GPC5: variants seen among roughly 807,000 people sequenced by gnomAD.
GPC5 encodes glypican-5.
GPC5 carries 47 observed loss-of-function variants against 53.9 expected under a neutral mutation model. That is an observed-to-expected ratio of 0.87 (90% CI 0.69 to 1.11). The LOEUF (loss-of-function observed/expected upper bound fraction) is 1.11. Ranked by LOEUF, GPC5 falls within the 50% of genes most tolerant of loss-of-function variation. The probability of loss-of-function intolerance (pLI) is 0.00; values close to 1 mark genes in which losing one functional copy is unlikely to be tolerated. For synonymous variants in GPC5, 286 were observed against 263.3 expected, an observed-to-expected ratio of 1.09 and a Z score of -0.84; for missense variants, 748 against 713.1, an observed-to-expected ratio of 1.05 and a Z score of -0.56.
chr13:91,920,820 T>C (rs967156628), intron 6 of GPC5, among the ~76,000 whole-genome samples: 1 of 151,524 alleles, frequency 6.6e-6, no homozygotes, highest in African/African-American at 2.4e-5. Flanking sequence ...TGTACTCAGT[T>C]AAATTATCAG....
chr13:92,600,491 C>A (rs1044670830), intron 7 of GPC5, among the ~76,000 whole-genome samples: 2 of 151,464 alleles, frequency 1.3e-5, no homozygotes, highest in Non-Finnish European at 2.9e-5. Context: ...TTCATTCATT[C>A]ATTCATTCAT....
chr13:92,387,034 T>A (rs915617108), intron 7 of GPC5, among the ~76,000 whole-genome samples: 1 of 152,100 alleles, frequency 6.6e-6, no homozygotes, highest in Non-Finnish European at 1.5e-5. Flanking sequence ...CTCACACTCA[T>A]GTGTCCTAAC....
At chr13:91,953,959 T>C (rs1864921896) in intron 6 of GPC5, among the ~76,000 whole-genome samples, 2 of 152,162 alleles carry the variant, frequency 1.3e-5, no homozygotes, top group African/African-American at 4.8e-5. Context: ...GGCAAAGATA[T>C]AAAGAATAAC....
intron 6 of GPC5, among the ~76,000 whole-genome samples, chr13:91,944,929 G>A (rs2039961014): frequency 6.6e-6 from 1 of 152,048 alleles, no homozygotes. Context: ...AAACTCTGAG[G>A]CCAAAATGAT....
At position 91,557,725 on chromosome 13, in the gene GPC5, C is replaced by T. The variant is rs148283382; in HGVS notation, c.325+108803C>T. ...CTCTCCAAAACTGCTTGAACAAGTA[C>T]GTGGTTATTAGTCGTCAGCCCAGTA... On this transcript the variant is annotated intron_variant, in intron 2 of 7. Coordinates refer to ENST00000377067, the MANE Select transcript of GPC5 (RefSeq NM_004466.6). Among the ~76,000 whole-genome samples, 56 of 152,242 alleles carry T rather than the reference C, an allele frequency of 3.7e-4. 1 individual carries two copies. In the East Asian group the frequency reaches 8.9e-3, roughly 24 times the overall value.
chr13:92,051,876 G>A (rs2041032479), intron 6 of GPC5, among the ~76,000 whole-genome samples: 1 of 152,188 alleles, frequency 6.6e-6, no homozygotes, highest in Admixed American at 6.5e-5. Flanking sequence ...ATTGATGGCA[G>A]GACTCTTTTT....
chr13:91,630,136 G>A (rs2034118631), intron 2 of GPC5, among the ~76,000 whole-genome samples: 1 of 151,866 alleles, frequency 6.6e-6, no homozygotes, highest in African/African-American at 2.4e-5. Context: ...CAAAGATTAG[G>A]GACTGTATTA....
intron 5 of GPC5, among the ~76,000 whole-genome samples, chr13:91,798,392 C>A (rs1208121147): frequency 6.6e-6 from 1 of 152,156 alleles, no homozygotes; most frequent in Admixed American, 6.5e-5. Flanking sequence ...CACCATGTGT[C>A]CATGTGTTCT....
intron 7 of GPC5, among the ~76,000 whole-genome samples, chr13:92,725,209 A>T (rs1444279151): frequency 6.6e-6 from 1 of 151,496 alleles, no homozygotes; most frequent in Non-Finnish European, 1.5e-5. Context: ...TATGGCAGCC[A>T]CATTCGTGCC....
chr13:92,555,883 G>A (rs902373045), intron 7 of GPC5, among the ~76,000 whole-genome samples: 7 of 151,198 alleles, frequency 4.6e-5, no homozygotes, highest in Admixed American at 1.3e-4. Context: ...TTAGAGTGCA[G>A]CCAAGAAGAA....
intron 7 of GPC5, among the ~76,000 whole-genome samples, chr13:92,710,333 T>C (rs1162360837): frequency 6.6e-6 from 1 of 152,112 alleles, no homozygotes; most frequent in East Asian, 1.9e-4. Flanking sequence ...TGAAACAGCC[T>C]CCAGATAATT....
intron 6 of GPC5, among the ~76,000 whole-genome samples, chr13:92,004,840 G>A (rs1233482285): frequency 6.6e-6 from 1 of 152,090 alleles, no homozygotes; most frequent in East Asian, 1.9e-4. Flanking sequence ...TCACTAACAT[G>A]AGAACATTGT....
rs141142898 is a variant in GPC5, at chr13:91,806,392, T to C, written c.1280+49972T>C. 4.9e-4 allele frequency among the ~76,000 whole-genome samples: 75 copies of C among 151,892 alleles called. 1 individual carries two copies. The highest frequency in any genetic ancestry group is 3.4e-3 in the Middle Eastern group (1 of 294). ...TTTTTTCATAGAATAGCAGAATTTA[T>C]TTTTTAATTTAATTAAACTTTACTT... On this transcript the variant is annotated intron_variant, in intron 5 of 7. Transcript: ENST00000377067.
intron 7 of GPC5, among the ~76,000 whole-genome samples, chr13:92,656,120 A>C (rs1886128654): frequency 6.6e-6 from 1 of 152,176 alleles, no homozygotes; most frequent in South Asian, 2.1e-4. Flanking sequence ...TTTTCAAGTC[A>C]TTGAGGAGTT....
At chr13:91,765,057 C>A (rs1337450324) in intron 5 of GPC5, among the ~76,000 whole-genome samples, 3 of 152,190 alleles carry the variant, frequency 2.0e-5, no homozygotes, top group Admixed American at 6.5e-5. Context: ...GAAACCTTCC[C>A]TCTCTTTTCT....
chr13:91,932,093 T>G (rs192768935), intron 6 of GPC5, among the ~76,000 whole-genome samples: 1 of 152,072 alleles, frequency 6.6e-6, no homozygotes, highest in Non-Finnish European at 1.5e-5. Context: ...ATGCTTCAGA[T>G]AATTCTTTAT....
At chr13:92,518,710 A>C (rs1273417125) in intron 7 of GPC5, among the ~76,000 whole-genome samples, 1 of 152,222 alleles carries the variant, frequency 6.6e-6, no homozygotes, top group Non-Finnish European at 1.5e-5. Flanking sequence ...CTAGGAAGAA[A>C]CTGCATCAAC....
chr13:91,980,722 A>C (rs1280960505), intron 6 of GPC5, among the ~76,000 whole-genome samples: 6 of 152,222 alleles, frequency 3.9e-5, no homozygotes, highest in Non-Finnish European at 5.9e-5. Context: ...CCATCCAAGT[A>C]ACCAGCACCC....
chr13:92,527,217 GA>G (rs1301400785), intron 7 of GPC5, among the ~76,000 whole-genome samples: 14 of 33,918 alleles, frequency 4.1e-4, no homozygotes, highest in East Asian at 3.9e-3. Context: ...AAGAAAGAAA[GA>G]AAGAAAGAAA....
Sources: gnomAD v4.1 joint callset for allele counts (sites outside exome capture counted in the v4.1 genomes callset) on GRCh38, gnomAD v4.1.1 for gene constraint, MANE v1.5 for transcripts, NCBI Gene and HGNC (gene_info 2026-07-23, HGNC 2026-07-21) for gene names.